The following PRKACB variants were observed in gnomAD, a reference collection of about 807,000 sequenced individuals.
PRKACB encodes the protein protein kinase cAMP-activated catalytic subunit beta.
PRKACB carries 16 observed loss-of-function variants against 51.4 expected under a neutral mutation model. That is an observed-to-expected ratio of 0.31 (90% CI 0.21 to 0.47). The LOEUF (loss-of-function observed/expected upper bound fraction) is 0.47, where lower values mean the gene tolerates loss of function less well. Among genes scored for constraint, PRKACB ranks in the 20% least tolerant of loss-of-function variants. The pLI is 1.00. For synonymous variants in PRKACB, 147 were observed against 154.4 expected, an observed-to-expected ratio of 0.95 and a Z score of 0.35; for missense variants, 309 against 464.5, an observed-to-expected ratio of 0.67 and a Z score of 3.08.
intron 9 of PRKACB, among the ~76,000 whole-genome samples, chr1:84,222,002 T>C (rs1673803228): frequency 6.6e-6 from 1 of 152,170 alleles, no homozygotes; most frequent in Non-Finnish European, 1.5e-5. Flanking sequence ...CTCAATAATC[T>C]GTACAATGCT....
At chr1:84,172,375 A>T (rs897979010) in intron 1 of PRKACB, among the ~76,000 whole-genome samples, 1 of 151,734 alleles carries the variant, frequency 6.6e-6, no homozygotes, top group African/African-American at 2.4e-5. Flanking sequence ...CATTTCAAAG[A>T]TTGCCTGGGT....
chr1:84,166,368 T>C (rs1297738993), intron 1 of PRKACB, among the ~76,000 whole-genome samples: 1 of 151,724 alleles, frequency 6.6e-6, no homozygotes, highest in East Asian at 1.9e-4. Context: ...TAATCTAGAA[T>C]CTTTAGGTAA....
chr1:84,177,819 T>C (rs192709442), intron 1 of PRKACB, among the ~76,000 whole-genome samples: 14 of 152,142 alleles, frequency 9.2e-5, no homozygotes, highest in African/African-American at 3.4e-4. Context: ...AATTAGATTA[T>C]ATTTGGATGA....
upstream of PRKACB, among the ~76,000 whole-genome samples, chr1:84,140,296 A>G (rs918229920): frequency 6.6e-6 from 1 of 152,224 alleles, no homozygotes; most frequent in African/African-American, 2.4e-5. Flanking sequence ...ATTCCATACA[A>G]TAGAATTTAG....
At chr1:84,104,090 T>C (rs912086419) in intron 1 of PRKACB, among the ~76,000 whole-genome samples, 13 of 152,196 alleles carry the variant, frequency 8.5e-5, no homozygotes, top group Non-Finnish European at 1.5e-4. Context: ...TGTGATTTTT[T>C]ATCAGTTAAC....
intron 1 of PRKACB, among the ~76,000 whole-genome samples, chr1:84,129,936 C>T (rs1652002753): frequency 6.6e-6 from 1 of 152,168 alleles, no homozygotes; most frequent in African/African-American, 2.4e-5. Context: ...TGCTGTGGCT[C>T]ACGCCTGTAA....
chr1:84,145,600 A>T (rs1653949846), intron 1 of PRKACB, among the ~76,000 whole-genome samples: 1 of 152,068 alleles, frequency 6.6e-6, no homozygotes, highest in Non-Finnish European at 1.5e-5. Flanking sequence ...CATTCTTCAA[A>T]CTATTTTTGG....
intron 1 of PRKACB, among the ~76,000 whole-genome samples, chr1:84,098,373 A>C (rs960267972): frequency 3.3e-5 from 5 of 152,094 alleles, no homozygotes; most frequent in African/African-American, 1.2e-4. Context: ...TACATAGCCC[A>C]TTTTGTTTCC....
chr1:84,085,872 A>G, intron 1 of PRKACB: 1 of 579,468 alleles, frequency 1.7e-6, no homozygotes, highest in Non-Finnish European at 3.2e-6. Context: ...GCCTGGCTGT[A>G]ACACCCAACT....
rs776513253 is a variant in PRKACB, at chr1:84,175,849, A to G, written c.188-3328A>G. The stretch of plus-strand genomic sequence containing the variant: ...TAGAATGCAATGTGATAGACTATTT[A>G]AATCATACAAACAGAAAAAATATAT... On this transcript the variant is annotated intron_variant, in intron 1 of 9. Transcript: ENST00000370685. 22 of 1,400,514 alleles carry G rather than the reference A, an allele frequency of 1.6e-5. No homozygotes were observed. In the South Asian group the frequency reaches 3.0e-4, roughly 19 times the overall value. The allele number at this position is 1,400,514 out of a possible 1,614,324, so 86.8% of individuals were successfully genotyped here.
intron 1 of PRKACB, among the ~76,000 whole-genome samples, chr1:84,106,740 A>G (rs1306419352): frequency 6.6e-6 from 1 of 152,180 alleles, no homozygotes; most frequent in Non-Finnish European, 1.5e-5. Flanking sequence ...TCTTCACAGA[A>G]CTAGAAAATA....
chr1:84,079,165 T>TTG (rs3831994), intron 1 of PRKACB, among the ~76,000 whole-genome samples: 10,355 of 152,138 alleles, frequency 0.068, 392 homozygotes, highest in Middle Eastern at 0.12. Flanking sequence ...GTCTGTGTGT[T>TTG]TGTGTGTGCA....
At chr1:84,175,168 A>G in intron 1 of PRKACB, 1 of 1,033,722 alleles carries the variant, frequency 9.7e-7, no homozygotes, top group Non-Finnish European at 1.3e-6. Context: ...TATCAAGTTA[A>G]TGAAATATTT....
chr1:84,099,002 A>G (rs1649138414), intron 1 of PRKACB, among the ~76,000 whole-genome samples: 1 of 152,070 alleles, frequency 6.6e-6, no homozygotes, highest in Admixed American at 6.6e-5. Flanking sequence ...GGTTAGAGAG[A>G]AAGGGTAGAA....
At position 84,179,169 on chromosome 1, in the gene PRKACB, AT is replaced by A. The variant is rs1471151495; in HGVS notation, c.188-4del. On this transcript the variant is annotated splice_polypyrimidine_tract_variant and splice_region_variant and intron_variant, in intron 1 of 9. Transcript: ENST00000370685. ...AAGATAAATTTGTTTTTATATGTATATTTTCAGTGAAAGAGTTTCTAGCCAA... is the reference window on the plus strand; with the variant it reads ...AAGATAAATTTGTTTTTATATGTATATTTCAGTGAAAGAGTTTCTAGCCAA... The A allele has an allele frequency of 6.3e-7, 1 of 1,585,464 alleles. No individual in the cohort carries two copies. The highest frequency in any genetic ancestry group is 1.7e-5 in the Admixed American group (1 of 58,512).
At chr1:84,204,282 T>C (rs1210175961) in intron 8 of PRKACB, among the ~76,000 whole-genome samples, 2 of 151,996 alleles carry the variant, frequency 1.3e-5, no homozygotes, top group Admixed American at 1.3e-4. Flanking sequence ...ACTCCAACTA[T>C]GTCAAAGGTA....
At chr1:84,227,636 T>G (rs1004466001) in intron 9 of PRKACB, among the ~76,000 whole-genome samples, 3 of 152,192 alleles carry the variant, frequency 2.0e-5, no homozygotes, top group Non-Finnish European at 4.4e-5. Context: ...AGGGCTTGAC[T>G]TATCCCAGGT....
rs76568037 is a variant in PRKACB at position 84,112,792 on chromosome 1, A to G, written c.46+34421A>G. Among the ~76,000 whole-genome samples the G allele has an allele frequency of 3.7e-3, 556 of 152,304 alleles. 2 individuals are homozygous for G. The highest frequency in any genetic ancestry group is 0.012 in the African/African-American group (502 of 41,570). ...TTGTATGTGTCTGATAGGGCTCCCAAGAAACCAGTGGAAGGTACTCTTAGG... is the reference window on the plus strand; with the variant it reads ...TTGTATGTGTCTGATAGGGCTCCCAGGAAACCAGTGGAAGGTACTCTTAGG... On this transcript the variant is annotated intron_variant, in intron 1 of 8. Transcript: ENST00000370688.
chr1:84,083,107 A>G (rs577901303), intron 1 of PRKACB, among the ~76,000 whole-genome samples: 3 of 152,162 alleles, frequency 2.0e-5, no homozygotes, highest in African/African-American at 7.2e-5. Flanking sequence ...CTATTGAAAA[A>G]TTTCTGTAGA....
Sources: gnomAD v4.1 joint callset for allele counts (sites outside exome capture counted in the v4.1 genomes callset) on GRCh38, gnomAD v4.1.1 for gene constraint, MANE v1.5 for transcripts, NCBI Gene and HGNC (gene_info 2026-07-23, HGNC 2026-07-21) for gene names.